Variants in COL21A1 observed in about 807,000 individuals in gnomAD.
COL21A1 encodes collagen alpha-1(XXI) chain.
Under a neutral mutation model 137.9 loss-of-function variants are expected in COL21A1, and 149 were observed. The observed-to-expected ratio is 1.08, with a 90% CI of 0.95 to 1.24. COL21A1 has a LOEUF of 1.24. Ranked by LOEUF, COL21A1 falls within the 50% of genes most tolerant of loss-of-function variation. COL21A1 has a pLI of 0.00. For missense variants in COL21A1, 1,167 were observed against 1,158.4 expected (o/e 1.01, Z -0.11); for synonymous variants, 456 against 391.5 (o/e 1.16, Z -1.95).
At chr6:56,126,551 A>G in intron 12 of COL21A1, 1 of 163,336 alleles carries the variant, frequency 6.1e-6, no homozygotes, top group South Asian at 1.7e-4. Flanking sequence ...ATAAAGTCTA[A>G]ACACAGACTA....
At chr6:56,110,255 C>CTTTTTTT (rs35299623) in intron 16 of COL21A1, among the ~76,000 whole-genome samples, 1 of 121,914 alleles carries the variant, frequency 8.2e-6, no homozygotes, top group African/African-American at 3.1e-5. Flanking sequence ...GCAGAAAAAG[C>CTTTTTTT]TTTTTTTTTT....
intron 1 of COL21A1, among the ~76,000 whole-genome samples, chr6:56,346,239 C>A (rs1582796389): frequency 6.6e-6 from 1 of 152,200 alleles, no homozygotes; most frequent in African/African-American, 2.4e-5. Flanking sequence ...CCCCCACCAG[C>A]AGCAATTGCT....
intron 1 of COL21A1, among the ~76,000 whole-genome samples, chr6:56,196,432 C>T (rs1274785908): frequency 1.3e-5 from 2 of 152,006 alleles, no homozygotes; most frequent in Non-Finnish European, 2.9e-5. Context: ...AAGATTGTCT[C>T]TATTAGCATG....
chr6:56,195,584 C>T (rs1037932311), intron 1 of COL21A1, among the ~76,000 whole-genome samples: 2 of 151,900 alleles, frequency 1.3e-5, no homozygotes, highest in Non-Finnish European at 2.9e-5. Flanking sequence ...AGTTCAGAGA[C>T]ACAAAAAATT....
At chr6:56,292,390 G>GAC (rs1764067509) in intron 1 of COL21A1, among the ~76,000 whole-genome samples, 2 of 92,600 alleles carry the variant, frequency 2.2e-5, no homozygotes, top group South Asian at 5.8e-4. Context: ...ACAAAACAGG[G>GAC]ACCCCCCCCC....
Position 56,314,540 on chromosome 6 carries a change from G to A in COL21A1, c.-39+79431C>T, listed in dbSNP as rs537100114. On this transcript the variant is annotated intron_variant, in intron 1 of 28. Transcript: ENST00000370819. ...TAATGTAAATTGTCTGCAACACCTC[G>A]GCCAAGATATTTAAATCTTGGAGCT... 1.6e-4 allele frequency among the ~76,000 whole-genome samples: 24 copies of A among 152,088 alleles called. No individual in the cohort carries two copies. The South Asian group carries it at 4.2e-3, about 26-fold the overall frequency.
intron 1 of COL21A1, among the ~76,000 whole-genome samples, chr6:56,224,824 A>C (rs1438954411): frequency 6.6e-6 from 1 of 152,022 alleles, no homozygotes; most frequent in Non-Finnish European, 1.5e-5. Context: ...AGTTAAATTA[A>C]ACTCCATTAT....
chr6:56,129,787 C>T (rs187429692), intron 12 of COL21A1, among the ~76,000 whole-genome samples: 11 of 150,548 alleles, frequency 7.3e-5, no homozygotes, highest in East Asian at 2.0e-4. Context: ...CACCCTAGAA[C>T]GAATTATTCC....
At chr6:56,195,059 C>T (rs1040211454) in intron 1 of COL21A1, among the ~76,000 whole-genome samples, 1 of 152,164 alleles carries the variant, frequency 6.6e-6, no homozygotes, top group Non-Finnish European at 1.5e-5. Context: ...AGTCCCCTCA[C>T]CATGTGATGC....
In COL21A1 at chr6:56,056,853, CAT is replaced by C. The variant is rs528544212; in HGVS notation, c.*802_*803del. The stretch of plus-strand genomic sequence containing the variant: ...GAAAATTAACATATATGGACATACA[CAT>C]ATAAGTGAAATGGAAAATGAAGGCA... On this transcript the variant is annotated 3_prime_UTR_variant, in exon 30 of 30. Coordinates refer to ENST00000244728, the MANE Select transcript of COL21A1 (RefSeq NM_030820.4). 4 of 152,128 alleles carry C rather than the reference CAT, an allele frequency of 2.6e-5. No homozygotes were observed. Among genetic ancestry groups the C allele is most frequent in the Non-Finnish European group, 5.9e-5 (4 of 68,024 alleles). The allele number at this position is 152,128 out of a possible 1,614,324, so 9.4% of individuals were successfully genotyped here.
At chr6:56,369,045 C>A (rs933306039) in intron 1 of COL21A1, among the ~76,000 whole-genome samples, 10 of 152,212 alleles carry the variant, frequency 6.6e-5, no homozygotes, top group African/African-American at 2.2e-4. Context: ...GAAATCAATG[C>A]AAATAAATAC....
chr6:56,064,445 C>A, intron 24 of COL21A1, 133 bp downstream of exon 24: 2 of 596,696 alleles, frequency 3.4e-6, no homozygotes, highest in Admixed American at 3.1e-5. Context: ...ACATGTTCAA[C>A]CTTATATGCT....
intron 1 of COL21A1, among the ~76,000 whole-genome samples, chr6:56,306,154 G>T (rs1764445538): frequency 7.7e-6 from 1 of 129,258 alleles, no homozygotes; most frequent in African/African-American, 2.7e-5. Context: ...CTCTTTGGCT[G>T]CCCTTAACAT....
At chr6:56,256,481 A>G (rs1782975459) in intron 1 of COL21A1, among the ~76,000 whole-genome samples, 1 of 152,190 alleles carries the variant, frequency 6.6e-6, no homozygotes, top group Non-Finnish European at 1.5e-5. Context: ...AGAAAAAAAA[A>G]TTAATTCGCA....
intron 1 of COL21A1, among the ~76,000 whole-genome samples, chr6:56,354,855 CAAAT>C (rs1304714270): frequency 6.6e-6 from 1 of 151,974 alleles, no homozygotes; most frequent in Non-Finnish European, 1.5e-5. Context: ...GAGACTTTCA[CAAAT>C]AAATAAATGA....
intron 10 of COL21A1, among the ~76,000 whole-genome samples, chr6:56,144,464 T>A (rs888735272): frequency 6.6e-6 from 1 of 152,216 alleles, no homozygotes; most frequent in East Asian, 1.9e-4. Context: ...ACCATGGAAA[T>A]TGGCTATTGA....
intron 1 of COL21A1, among the ~76,000 whole-genome samples, chr6:56,378,247 G>A (rs1713369956): frequency 6.6e-6 from 1 of 152,068 alleles, no homozygotes; most frequent in East Asian, 1.9e-4. Context: ...TGGCCACAGT[G>A]GGGCCCCAAG....
chr6:56,191,840 GAAAAA>G (rs1166570258), intron 1 of COL21A1, among the ~76,000 whole-genome samples: 1 of 151,590 alleles, frequency 6.6e-6, no homozygotes, highest in Non-Finnish European at 1.5e-5. Context: ...CACGGAACTG[GAAAAA>G]ACTACTTTAA....
At chr6:56,200,661 C>T (rs532769987) in intron 1 of COL21A1, among the ~76,000 whole-genome samples, 148 of 152,052 alleles carry the variant, frequency 9.7e-4, no homozygotes, top group Non-Finnish European at 1.8e-3. Context: ...GCATAGTATT[C>T]CATGGTGTAT....
Sources: gnomAD v4.1 joint callset for allele counts (sites outside exome capture counted in the v4.1 genomes callset) on GRCh38, gnomAD v4.1.1 for gene constraint, MANE v1.5 for transcripts, NCBI Gene and HGNC (gene_info 2026-07-23, HGNC 2026-07-21) for gene names.